Variants in CAB39 observed in about 807,000 individuals in gnomAD.
CAB39 encodes calcium binding protein 39.
In CAB39, 8 loss-of-function variants were observed where a neutral mutation model predicts 40.0. That is an observed-to-expected ratio of 0.20 (90% CI 0.12 to 0.36). The LOEUF is 0.36. CAB39 is among the 10% of genes least tolerant of loss of function. The pLI, the probability that CAB39 is intolerant of heterozygous loss-of-function variation, is 1.00. For synonymous variants in CAB39, 156 were observed against 141.6 expected (o/e 1.10, Z -0.72); for missense variants, 270 against 401.1 (o/e 0.67, Z 2.79).
chr2:230,772,985 A>T (rs1433024782), intron 2 of CAB39, among the ~76,000 whole-genome samples: 4 of 142,028 alleles, frequency 2.8e-5, no homozygotes, highest in African/African-American at 1.1e-4. Flanking sequence ...TCAGCAATAA[A>T]AAAAAAAAAA....
At chr2:230,798,597 A>T in intron 4 of CAB39, 132 bp from the exon 5 acceptor site, 2 of 667,140 alleles carry the variant, frequency 3.0e-6, no homozygotes, top group Non-Finnish European at 4.9e-6. Flanking sequence ...ACCTTCTGTA[A>T]TCTGCGATGG....
At chr2:230,727,437 CAG>C (rs1472109896) in intron 1 of CAB39, among the ~76,000 whole-genome samples, 1 of 119,254 alleles carries the variant, frequency 8.4e-6, no homozygotes, top group Non-Finnish European at 1.6e-5. Flanking sequence ...TTTTTTGAGA[CAG>C]GGTCTTGCTC....
At chr2:230,737,710 A>G (rs944537334) in intron 1 of CAB39, among the ~76,000 whole-genome samples, 2 of 152,216 alleles carry the variant, frequency 1.3e-5, no homozygotes, top group East Asian at 1.9e-4. Flanking sequence ...AAGTAAATGT[A>G]TCCATTGTAC....
intron 3 of CAB39, among the ~76,000 whole-genome samples, chr2:230,792,977 A>T (rs1214697473): frequency 6.6e-6 from 1 of 152,254 alleles, no homozygotes; most frequent in Non-Finnish European, 1.5e-5. Context: ...TATGTGGAAT[A>T]TAGTCAACCC....
At chr2:230,782,656 A>G (rs938108867) in intron 2 of CAB39, among the ~76,000 whole-genome samples, 1 of 152,128 alleles carries the variant, frequency 6.6e-6, no homozygotes, top group Non-Finnish European at 1.5e-5. Flanking sequence ...ATTGAGCACA[A>G]GGCAAATCAC....
chr2:230,815,042 A>C (rs1159997409), intron 7 of CAB39, among the ~76,000 whole-genome samples: 1 of 152,214 alleles, frequency 6.6e-6, no homozygotes, highest in Admixed American at 6.5e-5. Flanking sequence ...TACCGTGGGG[A>C]AATCTCCCTT....
At chr2:230,785,660 A>C (rs572355220) in intron 2 of CAB39, among the ~76,000 whole-genome samples, 121 of 152,144 alleles carry the variant, frequency 8.0e-4, no homozygotes, top group African/African-American at 2.8e-3. Flanking sequence ...TACAGAGTCC[A>C]CAATGCCATT....
At chr2:230,762,828 A>G (rs1695318810) in intron 2 of CAB39, among the ~76,000 whole-genome samples, 1 of 152,242 alleles carries the variant, frequency 6.6e-6, no homozygotes, top group South Asian at 2.1e-4. Flanking sequence ...CTTCCGTTCT[A>G]ATTAAGAAAG....
At chr2:230,727,344 A>C (rs935028936) in intron 1 of CAB39, among the ~76,000 whole-genome samples, 4 of 146,612 alleles carry the variant, frequency 2.7e-5, no homozygotes, top group Non-Finnish European at 5.9e-5. Context: ...GAAGTAGAGC[A>C]CTTGAATAGA....
At chr2:230,750,728 G>A (rs573064313) in intron 1 of CAB39, among the ~76,000 whole-genome samples, 2 of 152,214 alleles carry the variant, frequency 1.3e-5, no homozygotes, top group East Asian at 1.9e-4. Flanking sequence ...GAACAATAAG[G>A]TCATTCATTT....
chr2:230,761,899 TG>T (rs1695299397), intron 2 of CAB39, among the ~76,000 whole-genome samples: 1 of 150,298 alleles, frequency 6.7e-6, no homozygotes, highest in African/African-American at 2.5e-5. Flanking sequence ...TTGTTGTTGT[TG>T]TTGTTGTTGT....
chr2:230,758,100 C>G (rs1358871346), intron 1 of CAB39, among the ~76,000 whole-genome samples: 1 of 152,036 alleles, frequency 6.6e-6, no homozygotes, highest in Non-Finnish European at 1.5e-5. Context: ...GGAGTTGAGA[C>G]CAGCCTAGCC....
At chr2:230,796,194 A>C (rs1695983384) in intron 4 of CAB39, among the ~76,000 whole-genome samples, 1 of 152,090 alleles carries the variant, frequency 6.6e-6, no homozygotes, top group Non-Finnish European at 1.5e-5. Context: ...AGATTTTTGT[A>C]CTTTTGTTAA....
intron 2 of CAB39, among the ~76,000 whole-genome samples, chr2:230,784,339 A>G (rs969796079): frequency 1.3e-5 from 2 of 152,132 alleles, no homozygotes; most frequent in East Asian, 3.9e-4. Context: ...TTACGAGTGG[A>G]GACATTTTGA....
Position 230,793,293 on chromosome 2 carries a change from C to A in CAB39, c.360C>A (p.Ile120=). The change falls in exon 4 of 9, where the codon ATC becomes ATA. Residue 120 remains isoleucine (I), a synonymous_variant. Transcript: ENST00000258418. ...CGAGAACTCCTACTGTTGAATACAT[C>A]TGCACCCAACAGAATATTTTGTTCA... ...IGTRTPTVEY[I]CTQQNILFML... 2 of 1,602,854 alleles carry A rather than the reference C, an allele frequency of 1.2e-6. No individual in the cohort carries two copies. The highest frequency in any genetic ancestry group is 1.7e-6 in the Non-Finnish European group (2 of 1,170,734).
intron 1 of CAB39, among the ~76,000 whole-genome samples, chr2:230,721,448 G>A (rs1358639658): frequency 6.6e-6 from 1 of 152,078 alleles, no homozygotes; most frequent in East Asian, 1.9e-4. Context: ...AAAAGAAAAA[G>A]CAAACTTGCT....
chr2:230,773,312 A>ATGTGTG lies in CAB39; in HGVS notation c.114+13198_114+13199insGTGTGT, dbSNP rs1321034177. On this transcript the variant is annotated intron_variant, in intron 2 of 8. Transcript: ENST00000258418. ...TGGGTGTATGTGTATATATATATAT[A>ATGTGTG]TATGTGTGTGTGTGTGTGTGTGTGT... 9.0e-3 allele frequency among the ~76,000 whole-genome samples: 763 copies of ATGTGTG among 85,078 alleles called. 5 individuals carry two copies. Among genetic ancestry groups the ATGTGTG allele is most frequent in the Middle Eastern group, 0.024 (4 of 168 alleles). The allele number at this position is 85,078 out of a possible 152,430, so 55.8% of individuals were successfully genotyped here.
chr2:230,772,840 A>C (rs1180265134), intron 2 of CAB39, among the ~76,000 whole-genome samples: 1 of 152,158 alleles, frequency 6.6e-6, no homozygotes, highest in Non-Finnish European at 1.5e-5. Context: ...TAGCCATTTA[A>C]GTATTTACCC....
intron 1 of CAB39, among the ~76,000 whole-genome samples, chr2:230,723,986 G>C (rs560472291): frequency 2.0e-5 from 3 of 152,332 alleles, no homozygotes; most frequent in Non-Finnish European, 4.4e-5. Context: ...GCTCGCACCT[G>C]TAATTCCAAC....
Sources: gnomAD v4.1 joint callset for allele counts (sites outside exome capture counted in the v4.1 genomes callset) on GRCh38, gnomAD v4.1.1 for gene constraint, MANE v1.5 for transcripts, NCBI Gene and HGNC (gene_info 2026-07-23, HGNC 2026-07-21) for gene names.